The following MECOM variants were observed in gnomAD, a reference collection of about 807,000 sequenced individuals.
The protein encoded by MECOM is histone-lysine N-methyltransferase MECOM.
A neutral mutation model predicts 116.3 loss-of-function variants in MECOM; 13 were observed. The ratio of observed to expected loss-of-function variants is 0.11; its 90% confidence interval spans 0.07 to 0.18. The LOEUF (loss-of-function observed/expected upper bound fraction) is 0.18. MECOM is among the 10% of genes least tolerant of loss of function. MECOM has a pLI of 1.00. For synonymous variants in MECOM, 528 were observed against 535.2 expected (o/e 0.99, Z 0.19); for missense variants, 1,299 against 1,509.0 (o/e 0.86, Z 2.31).
At chr3:169,360,121 T>C (rs1287674836) in intron 2 of MECOM, among the ~76,000 whole-genome samples, 1 of 151,470 alleles carries the variant, frequency 6.6e-6, no homozygotes, top group Non-Finnish European at 1.5e-5. Context: ...CCATAAATCC[T>C]TAACCACATA....
At chr3:169,116,870 G>A in intron 7 of MECOM, 131 bp from the exon 8 acceptor site, 1 of 1,178,682 alleles carries the variant, frequency 8.5e-7, no homozygotes, top group Non-Finnish European at 1.1e-6. Flanking sequence ...ACCAATCTGG[G>A]TGCTCCAAAC....
intron 2 of MECOM, among the ~76,000 whole-genome samples, chr3:169,276,997 T>TACACACACACAC (rs71300479): frequency 5.5e-5 from 8 of 144,512 alleles, no homozygotes; most frequent in East Asian, 4.1e-4. Context: ...TAATTTATGT[T>TACACACACACAC]ACACACACAC....
rs529741785 is a variant in MECOM at position 169,124,208 on chromosome 3, G to C, written c.831-1481C>G. Among the ~76,000 whole-genome samples the C allele has an allele frequency of 1.4e-4, 21 of 152,178 alleles. No homozygotes were observed. In the South Asian group the frequency reaches 4.2e-3, roughly 30 times the overall value. On this transcript the variant is annotated intron_variant, in intron 5 of 16. Transcript: ENST00000651503. Reference sequence around the variant, plus strand: ...ACACTGAGCGTAAATCCCAGCAAAGGCTTGGGATGTAACTACAAGTCTATA... The same window carrying C: ...ACACTGAGCGTAAATCCCAGCAAAGCCTTGGGATGTAACTACAAGTCTATA...
intron 1 of MECOM, among the ~76,000 whole-genome samples, chr3:169,394,516 G>A (rs1734724115): frequency 6.6e-6 from 1 of 152,164 alleles, no homozygotes. Context: ...TGAAACAAAG[G>A]GGTATAGACT....
intron 12 of MECOM, among the ~76,000 whole-genome samples, chr3:169,097,363 A>T (rs532823215): frequency 1.1e-4 from 17 of 152,106 alleles, no homozygotes; most frequent in Non-Finnish European, 2.1e-4. Flanking sequence ...TCTAAATAAA[A>T]AAATCACTTC....
chr3:169,316,566 T>C (rs1458605103), intron 2 of MECOM, among the ~76,000 whole-genome samples: 1 of 152,158 alleles, frequency 6.6e-6, no homozygotes. Flanking sequence ...ATATACTTTT[T>C]TTAAGACAGG....
intron 2 of MECOM, among the ~76,000 whole-genome samples, chr3:169,360,749 C>T (rs1412405593): frequency 6.6e-6 from 1 of 151,722 alleles, no homozygotes; most frequent in Non-Finnish European, 1.5e-5. Flanking sequence ...AGGTCAACAT[C>T]TTGTTAATGG....
intron 1 of MECOM, among the ~76,000 whole-genome samples, chr3:169,594,481 C>T (rs774919571): frequency 2.6e-5 from 4 of 151,946 alleles, no homozygotes; most frequent in Non-Finnish European, 5.9e-5. Flanking sequence ...ATCAGAAATT[C>T]CAGGGGGCAG....
chr3:169,396,084 T>C lies in MECOM; in HGVS notation c.38-14560A>G, dbSNP rs140415493. Among the ~76,000 whole-genome samples the C allele has an allele frequency of 1.8e-3, 276 of 152,356 alleles. 5 individuals are homozygous for C. The East Asian group carries it at 0.047, about 26-fold the overall frequency. ...AAAAGTACTAATTATATGGCATTTC[T>C]AGAATTAGTGATAAAGAATTCTTAC... On this transcript the variant is annotated intron_variant, in intron 1 of 16. Coordinates refer to ENST00000651503, the MANE Select transcript of MECOM (RefSeq NM_004991.4).
At chr3:169,159,684 A>T (rs1742552420) in intron 2 of MECOM, among the ~76,000 whole-genome samples, 1 of 152,250 alleles carries the variant, frequency 6.6e-6, no homozygotes. Context: ...AAAGAAGTAC[A>T]GTACTTGGAG....
chr3:169,438,161 C>T (rs1010101098), intron 1 of MECOM, among the ~76,000 whole-genome samples: 2 of 152,214 alleles, frequency 1.3e-5, no homozygotes, highest in African/African-American at 2.4e-5. Context: ...CTAGAGCCCA[C>T]GCGCTTTATC....
chr3:169,154,481 T>C (rs1418068031), intron 2 of MECOM, among the ~76,000 whole-genome samples: 3 of 152,144 alleles, frequency 2.0e-5, no homozygotes, highest in Non-Finnish European at 4.4e-5. Flanking sequence ...GAATGCCTAA[T>C]TTGGATGCCT....
At chr3:169,540,922 C>T (rs1291883206) in intron 1 of MECOM, among the ~76,000 whole-genome samples, 2 of 152,358 alleles carry the variant, frequency 1.3e-5, no homozygotes, top group Non-Finnish European at 2.9e-5. Flanking sequence ...CATCAAACCA[C>T]TTTGAACACA....
At position 169,233,579 on chromosome 3, in the gene MECOM, C is replaced by T. The variant is rs376306156; in HGVS notation, c.376-89747G>A. On this transcript the variant is annotated intron_variant, in intron 2 of 16. Transcript: ENST00000651503. Reference sequence around the variant, plus strand: ...CAGAGTTTCCTTAGACCCAGTTGTGCGCAGATAAGCAGTTCCATACACACA... The same window carrying T: ...CAGAGTTTCCTTAGACCCAGTTGTGTGCAGATAAGCAGTTCCATACACACA... Among the ~76,000 whole-genome samples, 22 of 152,146 alleles carry T rather than the reference C, an allele frequency of 1.4e-4. No homozygotes were observed. The South Asian group carries it at 1.7e-3, about 11-fold the overall frequency.
chr3:169,092,816 T>C, intron 14 of MECOM, 142 bp downstream of exon 14: 1 of 846,224 alleles, frequency 1.2e-6, no homozygotes, highest in South Asian at 1.7e-5. Context: ...GCATTTAATG[T>C]GGTATTTAAT....
chr3:169,180,431 G>T (rs115692223), intron 2 of MECOM, among the ~76,000 whole-genome samples: 124 of 152,088 alleles, frequency 8.2e-4, no homozygotes, highest in African/African-American at 2.6e-3. Flanking sequence ...GATGCGCAAG[G>T]TACTTACATA....
intron 5 of MECOM, among the ~76,000 whole-genome samples, chr3:169,125,089 C>T (rs1732380093): frequency 6.6e-6 from 1 of 152,044 alleles, no homozygotes. Context: ...TTTTCCTGCC[C>T]CATGAATCAA....
At chr3:169,273,509 C>T (rs1759198874) in intron 2 of MECOM, among the ~76,000 whole-genome samples, 1 of 152,112 alleles carries the variant, frequency 6.6e-6, no homozygotes, top group East Asian at 1.9e-4. Flanking sequence ...TAAAACTAGT[C>T]AATAATTATC....
chr3:169,213,881 A>G (rs904317564), intron 2 of MECOM, among the ~76,000 whole-genome samples: 2 of 152,144 alleles, frequency 1.3e-5, no homozygotes, highest in African/African-American at 2.4e-5. Flanking sequence ...TCCTGCTCCC[A>G]TGGCTGAAGG....
Sources: allele counts gnomAD v4.1 joint callset (sites outside exome capture counted in the v4.1 genomes callset), GRCh38; gene constraint gnomAD v4.1.1; transcripts MANE v1.5; gene names NCBI Gene and HGNC (gene_info 2026-07-23, HGNC 2026-07-21).